Variants in HOOK3 observed in about 807,000 individuals in gnomAD.
HOOK3 encodes the protein hook microtubule tethering protein 3.
HOOK3 carries 24 observed loss-of-function variants against 116.3 expected under a neutral mutation model. The ratio of observed to expected loss-of-function variants is 0.21; its 90% CI spans 0.15 to 0.29. The LOEUF (loss-of-function observed/expected upper bound fraction) is 0.29, where lower values mean the gene tolerates loss of function less well. Ranked by LOEUF, HOOK3 falls within the 10% of genes least tolerant of loss-of-function variation. The pLI, the probability that HOOK3 is intolerant of heterozygous loss-of-function variation, is 1.00. For synonymous variants in HOOK3, 275 were observed against 283.0 expected, an observed-to-expected ratio of 0.97 and a Z score of 0.28; for missense variants, 632 against 830.2, an observed-to-expected ratio of 0.76 and a Z score of 2.93.
chr8:42,946,346 G>C (rs1808225535), intron 5 of HOOK3, among the ~76,000 whole-genome samples: 1 of 152,130 alleles, frequency 6.6e-6, no homozygotes, highest in Admixed American at 6.5e-5. Flanking sequence ...AATGTAAATA[G>C]TAGAAGCTGA....
At chr8:43,002,382 T>C (rs1809397122) in intron 17 of HOOK3, among the ~76,000 whole-genome samples, 1 of 152,220 alleles carries the variant, frequency 6.6e-6, no homozygotes. Context: ...GTGATAATCA[T>C]AGTTAGGAGT....
At chr8:43,010,465 C>T (rs866818021) in intron 19 of HOOK3, 60 bp downstream of exon 19, 4 of 513,164 alleles carry the variant, frequency 7.8e-6, no homozygotes, top group Non-Finnish European at 9.7e-6. Context: ...AGTGAAGTCT[C>T]AAATATAATG....
intron 16 of HOOK3, chr8:43,000,226 A>C: frequency 8.0e-7 from 1 of 1,243,870 alleles, no homozygotes; most frequent in Middle Eastern, 2.2e-4. Flanking sequence ...TGTTTGCTTC[A>C]TACTAATTTG....
chr8:42,940,359 G>A (rs982833466), intron 4 of HOOK3, among the ~76,000 whole-genome samples: 3 of 152,268 alleles, frequency 2.0e-5, no homozygotes, highest in South Asian at 2.1e-4. Flanking sequence ...GCGCGCGCCC[G>A]CAATCGCAGG....
At chr8:42,898,714 A>T (rs144726995) in intron 1 of HOOK3, among the ~76,000 whole-genome samples, 1 of 152,204 alleles carries the variant, frequency 6.6e-6, no homozygotes, top group African/African-American at 2.4e-5. Context: ...AGGGAGAAAG[A>T]AGACATGGAA....
chr8:42,961,636 G>T (rs1026357567), intron 8 of HOOK3, among the ~76,000 whole-genome samples: 1 of 152,184 alleles, frequency 6.6e-6, no homozygotes, highest in Non-Finnish European at 1.5e-5. Flanking sequence ...AAATAATTGT[G>T]TAACATTATT....
At chr8:42,920,259 C>T (rs548071834) in intron 2 of HOOK3, among the ~76,000 whole-genome samples, 2 of 152,152 alleles carry the variant, frequency 1.3e-5, no homozygotes, top group East Asian at 3.9e-4. Context: ...GAGAAAGTTA[C>T]CTTTATATTG....
rs560496712 is a variant in HOOK3, at chr8:42,999,318, C to T, written c.1620+1681C>T. On this transcript the variant is annotated intron_variant, in intron 16 of 21. Transcript: ENST00000307602. ...CCCTGTCAAGTACTATTTACATAAA[C>T]TAGTCCATTTATTTGACTGTCCAGA... is the stretch of plus-strand genomic sequence containing the variant. Among the ~76,000 whole-genome samples, 3 of 152,326 alleles carry T rather than the reference C, an allele frequency of 2.0e-5. No individual in the cohort carries two copies. In the South Asian group the frequency reaches 6.2e-4, roughly 32 times the overall value.
intron 21 of HOOK3, 127 bp from the exon 22 acceptor site, chr8:43,018,231 A>G (rs1224385833): frequency 3.7e-6 from 3 of 809,950 alleles, no homozygotes; most frequent in African/African-American, 3.5e-5. Flanking sequence ...ATCTATAGTG[A>G]GTAGTATTAA....
chr8:42,934,305 A>G (rs1007712418), intron 4 of HOOK3, among the ~76,000 whole-genome samples: 1 of 152,044 alleles, frequency 6.6e-6, no homozygotes, highest in Non-Finnish European at 1.5e-5. Flanking sequence ...TGTTTTCTGA[A>G]TGTAACTTTT....
chr8:42,941,290 C>T (rs745659236), intron 4 of HOOK3, among the ~76,000 whole-genome samples: 23 of 148,452 alleles, frequency 1.5e-4, no homozygotes, highest in Non-Finnish European at 2.4e-4. Flanking sequence ...CCGAGGCGGG[C>T]GGATCACGAG....
intron 13 of HOOK3, among the ~76,000 whole-genome samples, chr8:42,975,466 T>TA (rs990488411): frequency 2.0e-5 from 3 of 152,198 alleles, no homozygotes; most frequent in Non-Finnish European, 4.4e-5. Flanking sequence ...TGATAGGTGC[T>TA]ATAATTGAAA....
intron 1 of HOOK3, among the ~76,000 whole-genome samples, chr8:42,898,667 T>C (rs1159805364): frequency 6.6e-6 from 1 of 152,226 alleles, no homozygotes; most frequent in Non-Finnish European, 1.5e-5. Flanking sequence ...AAGATGAAGC[T>C]AATTGAATCT....
rs764706156 is a variant in HOOK3 at position 43,007,850 on chromosome 8, G to C, written c.1659G>C (p.Glu553Asp). The C allele has an allele frequency of 1.3e-4, 210 of 1,591,916 alleles. No individual in the cohort carries two copies. The highest frequency in any genetic ancestry group is 1.8e-4 in the Non-Finnish European group (204 of 1,165,166). The change falls in exon 18 of 22, where the codon GAG becomes GAC. Residue 553 changes from glutamate (E) to aspartate (D), a missense_variant. Glu to Asp is a conservative substitution (Grantham distance 45). Coordinates refer to ENST00000307602, the MANE Select transcript of HOOK3 (RefSeq NM_032410.4). ...LLKKKLEEHLEKLHEANNELQ... is the reference protein window; with the variant it reads ...LLKKKLEEHLDKLHEANNELQ... ...GATGTTTACCTGTTTGTTACAGAGA[G>C]AAGCTGCATGAGGCCAATAATGAAC... is the stretch of plus-strand genomic sequence containing the variant.
rs1467203817 is a variant in HOOK3 at position 43,024,168 on chromosome 8, G to A, written c.*5670G>A. 4.9e-6 allele frequency: 1 copy of A among 203,878 alleles called. No individual in the cohort carries two copies. The highest frequency in any genetic ancestry group is 2.3e-5 in the African/African-American group (1 of 43,704). 12.6% of individuals were successfully genotyped at this position (203,878 alleles called of 1,614,324 possible). ...GCTTGGTATCTTGCTTTTTGCTGAG[G>A]GCAAAATAACAACATGAAGACAAAG... On this transcript the variant is annotated 3_prime_UTR_variant, in exon 22 of 22. Coordinates refer to ENST00000307602, the MANE Select transcript of HOOK3 (RefSeq NM_032410.4).
In HOOK3 at chr8:43,018,741, TG is replaced by T; in HGVS notation, c.*244del. 2.5e-6 allele frequency: 1 copy of T among 399,476 alleles called. No homozygotes were observed. The highest frequency in any genetic ancestry group is 4.5e-6 in the Non-Finnish European group (1 of 224,442). The allele number at this position is 399,476 out of a possible 1,614,324, so 24.7% of individuals were successfully genotyped here. ...AAATTTGTACATGTTCAATTAAAAA[TG>T]TTGTATAATAGTGTAATACTTTTCT... is the stretch of plus-strand genomic sequence containing the variant. On this transcript the variant is annotated 3_prime_UTR_variant, in exon 22 of 22. Coordinates refer to ENST00000307602, the MANE Select transcript of HOOK3 (RefSeq NM_032410.4).
intron 6 of HOOK3, among the ~76,000 whole-genome samples, chr8:42,952,090 C>A (rs376462352): frequency 2.0e-5 from 3 of 152,220 alleles, no homozygotes; most frequent in African/African-American, 7.2e-5. Flanking sequence ...GCATCATTCT[C>A]CACAGACTGC....
At position 43,016,128 on chromosome 8, in the gene HOOK3, T is replaced by G. The variant is rs866734226; in HGVS notation, c.2017-2230T>G. On this transcript the variant is annotated intron_variant, in intron 21 of 21. Coordinates refer to ENST00000307602, the MANE Select transcript of HOOK3 (RefSeq NM_032410.4). Reference sequence around the variant, plus strand: ...TAAAGAATAGTCCTAATTTGTTTTTTTTTTTTTTAAATGGAGTCTTTCTCT... The same window carrying G: ...TAAAGAATAGTCCTAATTTGTTTTTGTTTTTTTTAAATGGAGTCTTTCTCT... Among the ~76,000 whole-genome samples, 796 of 152,002 alleles carry G rather than the reference T, an allele frequency of 5.2e-3. 13 individuals carry two copies. Among genetic ancestry groups the G allele is most frequent in the African/African-American group, 0.018 (760 of 41,472 alleles).
At position 43,007,016 on chromosome 8, in the gene HOOK3, ATTTTTTTTTTT is replaced by A. The variant is rs58609523; in HGVS notation, c.1656-813_1656-803del. Among the ~76,000 whole-genome samples, 425 of 103,270 alleles carry A rather than the reference ATTTTTTTTTTT, an allele frequency of 4.1e-3. 1 individual carries two copies. The highest frequency in any genetic ancestry group is 6.4e-3 in the Non-Finnish European group (343 of 53,248). 67.7% of individuals were successfully genotyped at this position (103,270 alleles called of 152,430 possible). On this transcript the variant is annotated intron_variant, in intron 17 of 21. Coordinates refer to ENST00000307602, the MANE Select transcript of HOOK3 (RefSeq NM_032410.4). ...TAAAGTACACGTCTTAAGTTCCTAG[ATTTTTTTTTTT>A]TTTTTTTTTTTTTTTTTGAGATGGA... is the stretch of plus-strand genomic sequence containing the variant.
Sources: allele counts gnomAD v4.1 joint callset (sites outside exome capture counted in the v4.1 genomes callset), GRCh38; gene constraint gnomAD v4.1.1; transcripts MANE v1.5; gene names NCBI Gene and HGNC (gene_info 2026-07-23, HGNC 2026-07-21).